KAT2B: variants seen among roughly 807,000 people sequenced by gnomAD.
KAT2B encodes lysine acetyltransferase 2B, also known as histone acetyltransferase KAT2B.
A neutral mutation model predicts 105.9 loss-of-function variants in KAT2B; 36 were observed. The ratio of observed to expected loss-of-function variants is 0.34; its 90% CI spans 0.26 to 0.45. KAT2B has a LOEUF of 0.45. Ranked by LOEUF, KAT2B falls within the 20% of genes least tolerant of loss-of-function variation. The pLI, the probability that KAT2B is intolerant of heterozygous loss-of-function variation, is 1.00. For missense variants in KAT2B, 820 were observed against 1,021.6 expected, an observed-to-expected ratio of 0.80 and a Z score of 2.69; for synonymous variants, 397 against 377.9, an observed-to-expected ratio of 1.05 and a Z score of -0.59.
At chr3:20,110,947 T>G (rs1471205889) in intron 5 of KAT2B, among the ~76,000 whole-genome samples, 1 of 152,146 alleles carries the variant, frequency 6.6e-6, no homozygotes, top group African/African-American at 2.4e-5. Flanking sequence ...TGGTAGAAGC[T>G]TAATACTTCC....
At chr3:20,134,910 T>C (rs1319248003) in intron 11 of KAT2B, among the ~76,000 whole-genome samples, 1 of 152,170 alleles carries the variant, frequency 6.6e-6, no homozygotes, top group African/African-American at 2.4e-5. Context: ...TATTGTCATA[T>C]CAACATGTAA....
chr3:20,146,263 A>G (rs1484489947), intron 13 of KAT2B, 53 bp from the exon 14 acceptor site: 1 of 1,016,892 alleles, frequency 9.8e-7, no homozygotes. Flanking sequence ...ACTGACTTGA[A>G]CTGTATCCAT....
chr3:20,126,403 T>C (rs1699404748), intron 10 of KAT2B, among the ~76,000 whole-genome samples: 1 of 152,186 alleles, frequency 6.6e-6, no homozygotes, highest in Admixed American at 6.5e-5. Context: ...TAAGATGTTC[T>C]GCTTTCTTCA....
rs151153098 is a variant in KAT2B, at chr3:20,081,150, A to G, written c.430+8691A>G. On this transcript the variant is annotated intron_variant, in intron 2 of 17. Coordinates refer to ENST00000263754, the MANE Select transcript of KAT2B (RefSeq NM_003884.5). ...TAGCCTCGATGCCAAATTCCCATGA[A>G]CAAAAAATGTATTTGAGCAGCCTTC... 3.7e-4 allele frequency among the ~76,000 whole-genome samples: 57 copies of G among 152,324 alleles called. No homozygotes were observed. In the East Asian group the frequency reaches 8.3e-3, roughly 22 times the overall value.
chr3:20,082,305 G>A (rs2365361), intron 2 of KAT2B, among the ~76,000 whole-genome samples: 28,452 of 151,992 alleles, frequency 0.19, 2,946 homozygotes, highest in East Asian at 0.44. Flanking sequence ...AGAGTGTTGG[G>A]ATTACAGGCT....
intron 2 of KAT2B, among the ~76,000 whole-genome samples, chr3:20,079,541 A>G (rs1698483378): frequency 6.6e-6 from 1 of 152,226 alleles, no homozygotes; most frequent in Non-Finnish European, 1.5e-5. Context: ...GTCAAGAGTT[A>G]GCTTTAACAA....
At chr3:20,136,617 A>G (rs540100087) in intron 11 of KAT2B, among the ~76,000 whole-genome samples, 1 of 152,118 alleles carries the variant, frequency 6.6e-6, no homozygotes, top group Non-Finnish European at 1.5e-5. Flanking sequence ...GAAAACTTTT[A>G]TATTACTATT....
At chr3:20,078,219 GT>G (rs1294014893) in intron 2 of KAT2B, among the ~76,000 whole-genome samples, 1 of 151,940 alleles carries the variant, frequency 6.6e-6, no homozygotes, top group African/African-American at 2.4e-5. Context: ...AAGGCAGCCT[GT>G]TTTTACGAGC....
intron 1 of KAT2B, among the ~76,000 whole-genome samples, chr3:20,043,787 A>G (rs1390166699): frequency 2.0e-5 from 3 of 151,940 alleles, no homozygotes; most frequent in Non-Finnish European, 2.9e-5. Flanking sequence ...AGAGAGCAAA[A>G]TCTGTGGTTC....
At chr3:20,114,763 AT>A (rs1391135551) in intron 6 of KAT2B, 118 bp from the exon 7 acceptor site, 3 of 609,260 alleles carry the variant, frequency 4.9e-6, no homozygotes, top group Non-Finnish European at 8.8e-6. Flanking sequence ...GTAATTCTCC[AT>A]TATATTTCTG....
At chr3:20,117,697 G>T (rs1292048539) in intron 7 of KAT2B, among the ~76,000 whole-genome samples, 3 of 152,118 alleles carry the variant, frequency 2.0e-5, no homozygotes, top group Non-Finnish European at 2.9e-5. Context: ...AACTGTGGCT[G>T]TGTTGAAACG....
intron 5 of KAT2B, among the ~76,000 whole-genome samples, chr3:20,109,684 G>A (rs1273072118): frequency 6.6e-6 from 1 of 152,074 alleles, no homozygotes; most frequent in Non-Finnish European, 1.5e-5. Flanking sequence ...AATTGGCTTT[G>A]AAAGCAATGA....
chr3:20,047,223 CTAATTTTTGTATTTTT>C (rs1697828356), intron 1 of KAT2B, among the ~76,000 whole-genome samples: 1 of 151,706 alleles, frequency 6.6e-6, no homozygotes, highest in African/African-American at 2.4e-5. Context: ...CCATGGCCGG[CTAATTTTTGTATTTTT>C]TATAGAGATG....
intron 3 of KAT2B, among the ~76,000 whole-genome samples, chr3:20,099,477 G>T (rs1019503030): frequency 1.4e-4 from 21 of 152,196 alleles, no homozygotes; most frequent in Non-Finnish European, 2.9e-4. Flanking sequence ...CATGTGCCAA[G>T]TGTGTAGGGT....
intron 11 of KAT2B, among the ~76,000 whole-genome samples, chr3:20,131,076 C>T (rs746842830): frequency 1.5e-5 from 2 of 130,978 alleles, no homozygotes; most frequent in African/African-American, 5.8e-5. Flanking sequence ...AGTGCAATGG[C>T]GTGATCTCGG....
intron 1 of KAT2B, among the ~76,000 whole-genome samples, chr3:20,063,181 C>T (rs1051219209): frequency 6.6e-6 from 1 of 152,060 alleles, no homozygotes; most frequent in African/African-American, 2.4e-5. Context: ...GATCTGCCTG[C>T]CTCAGCCTTC....
intron 12 of KAT2B, among the ~76,000 whole-genome samples, chr3:20,138,435 G>C (rs1478006301): frequency 2.0e-5 from 3 of 151,942 alleles, no homozygotes; most frequent in African/African-American, 7.3e-5. Context: ...CATGTGTATG[G>C]GTGTGTGTTT....
chr3:20,040,995 A>G (rs773186424), intron 1 of KAT2B, among the ~76,000 whole-genome samples: 10 of 152,058 alleles, frequency 6.6e-5, no homozygotes, highest in Non-Finnish European at 1.5e-4. Flanking sequence ...GATCACTAAG[A>G]CGGAGAGCCC....
chr3:20,142,816 C>T (rs968486314), intron 13 of KAT2B, among the ~76,000 whole-genome samples: 2 of 151,992 alleles, frequency 1.3e-5, no homozygotes, highest in Admixed American at 6.6e-5. Flanking sequence ...ATTGTTATGT[C>T]GGTGATGAAG....
Sources: allele counts gnomAD v4.1 joint callset (sites outside exome capture counted in the v4.1 genomes callset), GRCh38; gene constraint gnomAD v4.1.1; transcripts MANE v1.5; gene names NCBI Gene and HGNC (gene_info 2026-07-23, HGNC 2026-07-21).